The following SCN10A variants were observed in gnomAD, a reference collection of about 807,000 sequenced individuals.
The protein encoded by SCN10A is sodium channel protein type 10 subunit alpha.
A neutral mutation model predicts 170.7 loss-of-function variants in SCN10A; 162 were observed. The ratio of observed to expected loss-of-function variants is 0.95; its 90% CI spans 0.84 to 1.08. The LOEUF (loss-of-function observed/expected upper bound fraction) is 1.08. Ranked by LOEUF, SCN10A falls within the 50% of genes least tolerant of loss-of-function variation. The pLI, the probability that SCN10A is intolerant of heterozygous loss-of-function variation, is 0.00. For synonymous variants in SCN10A, 985 were observed against 904.6 expected, an observed-to-expected ratio of 1.09 and a Z score of -1.59; for missense variants, 2,527 against 2,436.9, an observed-to-expected ratio of 1.04 and a Z score of -0.78.
At chr3:38,706,829 G>T (rs947898554) in intron 26 of SCN10A, among the ~76,000 whole-genome samples, 10 of 152,156 alleles carry the variant, frequency 6.6e-5, no homozygotes, top group African/African-American at 2.2e-4. Context: ...CTTGGATCCT[G>T]ACAGGGGAGT....
chr3:38,763,434 G>A, intron 6 of SCN10A, 71 bp downstream of exon 6: 1 of 1,185,804 alleles, frequency 8.4e-7, no homozygotes, highest in Non-Finnish European at 1.3e-6. Context: ...AACCTTACAG[G>A]GTTCTTGTGA....
chr3:38,727,917 A>G (rs1243062166), intron 16 of SCN10A, among the ~76,000 whole-genome samples: 2 of 152,044 alleles, frequency 1.3e-5, no homozygotes, highest in East Asian at 3.9e-4. Context: ...TCCTCCAAAC[A>G]TGGAGTAGAT....
intron 5 of SCN10A, among the ~76,000 whole-genome samples, chr3:38,764,023 C>T (rs750637916): frequency 4.6e-5 from 7 of 152,146 alleles, no homozygotes; most frequent in Non-Finnish European, 1.0e-4. Flanking sequence ...AAGCAACCCC[C>T]GAAGCGGTAC....
intron 15 of SCN10A, among the ~76,000 whole-genome samples, chr3:38,735,112 A>G (rs9311197): frequency 0.6 from 89,071 of 148,474 alleles, 27,463 homozygotes; most frequent in African/African-American, 0.76. Flanking sequence ...GGAGCTGGCA[A>G]TGAGCCGAGA....
intron 11 of SCN10A, among the ~76,000 whole-genome samples, chr3:38,755,287 C>G (rs1348352258): frequency 6.6e-6 from 1 of 150,874 alleles, no homozygotes; most frequent in Non-Finnish European, 1.5e-5. Flanking sequence ...CTCGACGCAT[C>G]AGAAAAAAAA....
intron 1 of SCN10A, among the ~76,000 whole-genome samples, chr3:38,806,894 G>T (rs958130945): frequency 1.3e-5 from 2 of 152,100 alleles, no homozygotes; most frequent in African/African-American, 2.4e-5. Flanking sequence ...TGGTTCAGCT[G>T]CCCCAAATAA....
At chr3:38,804,482 G>T (rs7653686) in intron 1 of SCN10A, among the ~76,000 whole-genome samples, 3,562 of 152,160 alleles carry the variant, frequency 0.023, 109 homozygotes, top group African/African-American at 0.078. Flanking sequence ...TTGTCTATTT[G>T]CTTAGCTGTT....
Position 38,779,545 on chromosome 3 carries a change from T to C in SCN10A, c.471-8138A>G, listed in dbSNP as rs190293501. Among the ~76,000 whole-genome samples the C allele has an allele frequency of 3.3e-5, 5 of 152,148 alleles. No homozygotes were observed. In the East Asian group the frequency reaches 9.6e-4, roughly 29 times the overall value. On this transcript the variant is annotated intron_variant, in intron 4 of 27. Transcript: ENST00000449082. ...TGTAATTTATTGCTTTTTATAATTA[T>C]TAACTTCTTTCTTTCATTTGTTATC...
intron 1 of SCN10A, among the ~76,000 whole-genome samples, chr3:38,798,963 AT>A (rs2064356187): frequency 1.3e-5 from 2 of 151,094 alleles, no homozygotes; most frequent in Admixed American, 1.3e-4. Context: ...TAATCTTCAT[AT>A]TTTTGATGGG....
chr3:38,799,710 T>A (rs1372681825), intron 1 of SCN10A, among the ~76,000 whole-genome samples: 1 of 151,558 alleles, frequency 6.6e-6, no homozygotes, highest in African/African-American at 2.4e-5. Flanking sequence ...TTACTTTTGC[T>A]TCTCATATAA....
chr3:38,719,178 T>C (rs1355527494), intron 20 of SCN10A, among the ~76,000 whole-genome samples: 1 of 152,208 alleles, frequency 6.6e-6, no homozygotes, highest in Non-Finnish European at 1.5e-5. Flanking sequence ...CATCAACGGA[T>C]GTTCACAGGC....
intron 24 of SCN10A, among the ~76,000 whole-genome samples, chr3:38,709,948 G>T (rs2063254520): frequency 6.6e-6 from 1 of 152,178 alleles, no homozygotes; most frequent in Non-Finnish European, 1.5e-5. Flanking sequence ...ATTGGTAAGG[G>T]TTGCCCCTAG....
intron 15 of SCN10A, among the ~76,000 whole-genome samples, chr3:38,735,919 G>A (rs150112735): frequency 7.5e-4 from 114 of 152,266 alleles, no homozygotes; most frequent in African/African-American, 2.7e-3. Flanking sequence ...GGGATAAAAC[G>A]GTAGACAAGA....
Position 38,698,184 on chromosome 3 carries a change from T to A in SCN10A, c.5036A>T (p.Asp1679Val), listed in dbSNP as rs756686221. The A allele has an allele frequency of 5.0e-6, 8 of 1,613,932 alleles. No homozygotes were observed. The highest frequency in any genetic ancestry group is 6.8e-6 in the Non-Finnish European group (8 of 1,179,976). The change falls in exon 28 of 28, where the codon GAC (aspartate) becomes GTC (valine). Residue 1679 changes from aspartate (D) to valine (V), a missense_variant. Transcript: ENST00000449082. The part of the protein sequence containing the change: ...PILNTGPPYC[D>V]PNLPNSNGTR... ...GCCATTGCTGTTGGGCAGATTGGGG[T>A]CACAGTAGGGGGGCCCTGTGTTGAG...
rs551200168 is a variant in SCN10A at position 38,721,884 on chromosome 3, G to T, written c.3507+374C>A. 1.7e-4 allele frequency among the ~76,000 whole-genome samples: 26 copies of T among 152,316 alleles called. No individual in the cohort carries two copies. In the South Asian group the frequency reaches 5.4e-3, roughly 32 times the overall value. On this transcript the variant is annotated intron_variant, in intron 20 of 27. Coordinates refer to ENST00000449082, the MANE Select transcript of SCN10A (RefSeq NM_006514.4). ...GGCCGTGTGTTGGGGAGGTCAGAGG[G>T]TGGGAAGCCAGGGGCTTCGGGATTA...
rs181869465 is a variant in SCN10A at position 38,727,072 on chromosome 3, G to A, written c.2641-20C>T. The A allele has an allele frequency of 2.8e-5, 44 of 1,590,218 alleles. No homozygotes were observed. The Admixed American group carries it at 7.4e-4, about 27-fold the overall frequency. ...AAGCACCTGAAGAGAAGGAATGGAA[G>A]GGAAGATTGATCAATCTCTAAGCTG... On this transcript the variant is annotated intron_variant, in intron 16 of 27. Coordinates refer to ENST00000449082, the MANE Select transcript of SCN10A (RefSeq NM_006514.4).
intron 26 of SCN10A, among the ~76,000 whole-genome samples, chr3:38,706,256 A>T (rs1454077966): frequency 1.3e-5 from 2 of 152,218 alleles, no homozygotes; most frequent in African/African-American, 2.4e-5. Flanking sequence ...ACCTTGATTT[A>T]AAAAAATCTA....
intron 8 of SCN10A, among the ~76,000 whole-genome samples, chr3:38,758,967 A>G (rs868189796): frequency 3.2e-4 from 48 of 152,238 alleles, no homozygotes; most frequent in African/African-American, 1.2e-3. Flanking sequence ...AAGGCAAATG[A>G]AAACTGATGT....
chr3:38,709,478 CT>C lies in SCN10A; in HGVS notation c.4280del (p.Lys1427SerfsTer2), dbSNP rs750400627. Reference sequence around the variant, plus strand: ...CCAGAAACTCCTGAGCACCACTTATCTTTTTTTTCTGTTGATTGAAGTTGTC... The same window carrying C: ...CCAGAAACTCCTGAGCACCACTTATCTTTTTTTCTGTTGATTGAAGTTGTC... ...IIDNFNQQKK[K>X]LGGQDIFMTE... is the part of the protein sequence containing the mutation. On this transcript the variant is annotated frameshift_variant and splice_region_variant, in exon 25 of 28. Transcript: ENST00000449082. LOFTEE classifies it high-confidence loss of function. The C allele has an allele frequency of 6.2e-6, 10 of 1,607,076 alleles. No individual in the cohort carries two copies. The highest frequency in any genetic ancestry group is 8.5e-6 in the Non-Finnish European group (10 of 1,177,266).
Sources: gnomAD v4.1 joint callset for allele counts (sites outside exome capture counted in the v4.1 genomes callset) on GRCh38, gnomAD v4.1.1 for gene constraint, MANE v1.5 for transcripts, NCBI Gene and HGNC (gene_info 2026-07-23, HGNC 2026-07-21) for gene names.